Variants in ATP2B2 observed in about 807,000 individuals in gnomAD.
ATP2B2 encodes plasma membrane calcium-transporting ATPase 2.
Under a neutral mutation model 120.0 loss-of-function variants are expected in ATP2B2, and 15 were observed. The observed-to-expected ratio is 0.12, with a 90% CI of 0.08 to 0.19. The LOEUF (loss-of-function observed/expected upper bound fraction) is 0.19, where lower values mean the gene tolerates loss of function less well. Among genes scored for constraint, ATP2B2 ranks in the 10% least tolerant of loss-of-function variants. The pLI is 1.00. For synonymous variants in ATP2B2, 694 were observed against 700.3 expected, an observed-to-expected ratio of 0.99 and a Z score of 0.14; for missense variants, 1,045 against 1,719.8, an observed-to-expected ratio of 0.61 and a Z score of 6.94.
intron 1 of ATP2B2, among the ~76,000 whole-genome samples, chr3:10,670,700 T>C (rs114758956): frequency 0.07 from 10,585 of 152,202 alleles, 507 homozygotes; most frequent in South Asian, 0.14. Flanking sequence ...GGATTATAGG[T>C]GTGAGCCACG....
intron 2 of ATP2B2, among the ~76,000 whole-genome samples, chr3:10,415,846 G>A (rs890907179): frequency 1.3e-5 from 2 of 152,222 alleles, no homozygotes; most frequent in African/African-American, 4.8e-5. Context: ...ATGCTATGTG[G>A]GGTTGTAGGC....
At chr3:10,598,731 T>C (rs1231272230) in intron 2 of ATP2B2, among the ~76,000 whole-genome samples, 3 of 152,152 alleles carry the variant, frequency 2.0e-5, no homozygotes, top group African/African-American at 7.2e-5. Flanking sequence ...GAAACCTGAG[T>C]CTGCACGGAA....
At chr3:10,673,015 T>C (rs1575611074) in intron 1 of ATP2B2, among the ~76,000 whole-genome samples, 1 of 152,122 alleles carries the variant, frequency 6.6e-6, no homozygotes, top group African/African-American at 2.4e-5. Context: ...GTTGGCTGGG[T>C]GACCTGGGTG....
intron 1 of ATP2B2, among the ~76,000 whole-genome samples, chr3:10,679,432 C>T (rs1358127277): frequency 1.3e-5 from 2 of 152,208 alleles, no homozygotes; most frequent in African/African-American, 4.8e-5. Context: ...CTAGGGAGGT[C>T]TGTTCAGTAC....
chr3:10,374,685 G>A (rs571366666), intron 11 of ATP2B2, among the ~76,000 whole-genome samples: 12 of 152,338 alleles, frequency 7.9e-5, no homozygotes, highest in South Asian at 2.1e-4. Flanking sequence ...GGTCAGACTC[G>A]CAGTGACTGG....
chr3:10,435,920 G>A (rs2063466998), intron 2 of ATP2B2, among the ~76,000 whole-genome samples: 1 of 152,190 alleles, frequency 6.6e-6, no homozygotes, highest in Non-Finnish European at 1.5e-5. Context: ...AGAAGCAAAG[G>A]CCTGTGTTGA....
At chr3:10,501,298 C>G (rs763024963) in intron 1 of ATP2B2, among the ~76,000 whole-genome samples, 1 of 151,908 alleles carries the variant, frequency 6.6e-6, no homozygotes, top group Admixed American at 6.6e-5. Context: ...AAGTGAAGAC[C>G]GGGGTGAAGC....
intron 5 of ATP2B2, 54 bp from the exon 6 acceptor site, chr3:10,388,456 C>T (rs2061748247): frequency 6.2e-7 from 1 of 1,613,178 alleles, no homozygotes; most frequent in Non-Finnish European, 8.5e-7. Flanking sequence ...GCCGTCTCCC[C>T]AAAGGAGTGA....
chr3:10,596,670 G>T (rs976150988), intron 2 of ATP2B2, among the ~76,000 whole-genome samples: 1 of 152,172 alleles, frequency 6.6e-6, no homozygotes, highest in African/African-American at 2.4e-5. Flanking sequence ...GAATTCCTTG[G>T]CGTTTGCTCC....
In ATP2B2 at chr3:10,340,153, G is replaced by A. The variant is rs529813075; in HGVS notation, c.3237+89C>T. On this transcript the variant is annotated intron_variant, in intron 21 of 22. Transcript: ENST00000360273. This position sits in a 1 kb window ranked among gnomAD's most constrained non-coding sequence, Gnocchi z 5.0. Reference sequence around the variant, plus strand: ...GGAGGAGCTTGCCTGGGGTCTGGCAGCCCATTCCTGGGGGTCCTGGATTCT... The same window carrying A: ...GGAGGAGCTTGCCTGGGGTCTGGCAACCCATTCCTGGGGGTCCTGGATTCT... 5.2e-5 allele frequency: 67 copies of A among 1,299,508 alleles called. No homozygotes were observed. In the African/African-American group the frequency reaches 9.0e-4, roughly 17 times the overall value. The allele number at this position is 1,299,508 out of a possible 1,614,324, so 80.5% of individuals were successfully genotyped here. A position where few individuals can be genotyped will look rare whatever the true frequency, so the allele number is the denominator to read the frequency against.
chr3:10,619,011 G>A (rs1282926464), intron 2 of ATP2B2, among the ~76,000 whole-genome samples: 1 of 152,162 alleles, frequency 6.6e-6, no homozygotes, highest in Non-Finnish European at 1.5e-5. Context: ...AAACCTTGGA[G>A]CAGTGGCTAA....
intron 1 of ATP2B2, among the ~76,000 whole-genome samples, chr3:10,688,877 G>A (rs528758869): frequency 1.6e-4 from 24 of 152,184 alleles, no homozygotes; most frequent in African/African-American, 4.1e-4. Flanking sequence ...GGTGGCCTTC[G>A]GTTGAAAAAG....
chr3:10,637,853 C>G (rs1367354045), intron 1 of ATP2B2, among the ~76,000 whole-genome samples: 1 of 151,528 alleles, frequency 6.6e-6, no homozygotes, highest in African/African-American at 2.4e-5. Flanking sequence ...ACATCAAAAT[C>G]AAATTGTGGA....
chr3:10,614,343 C>T (rs935849549), intron 2 of ATP2B2, among the ~76,000 whole-genome samples: 5 of 151,860 alleles, frequency 3.3e-5, no homozygotes, highest in South Asian at 2.1e-4. Context: ...CCTCCTGGAA[C>T]GTTTTGCTTT....
At chr3:10,695,811 T>C (rs1166493273) in intron 1 of ATP2B2, among the ~76,000 whole-genome samples, 1 of 152,192 alleles carries the variant, frequency 6.6e-6, no homozygotes, top group Non-Finnish European at 1.5e-5. Flanking sequence ...TGGAGCAGTT[T>C]GTCACATAGC....
At chr3:10,397,440 C>G (rs2062075022) in intron 5 of ATP2B2, among the ~76,000 whole-genome samples, 1 of 152,158 alleles carries the variant, frequency 6.6e-6, no homozygotes, top group Non-Finnish European at 1.5e-5. Flanking sequence ...AACTCAAACA[C>G]CATGACGAGG....
intron 3 of ATP2B2, among the ~76,000 whole-genome samples, chr3:10,519,797 A>G (rs993505147): frequency 2.0e-5 from 3 of 152,350 alleles, no homozygotes; most frequent in Non-Finnish European, 2.9e-5. Context: ...TGTTCATTCA[A>G]CAAACATTGG....
At chr3:10,675,788 A>G (rs538881055) in intron 1 of ATP2B2, among the ~76,000 whole-genome samples, 99 of 152,270 alleles carry the variant, frequency 6.5e-4, no homozygotes, top group African/African-American at 2.3e-3. Flanking sequence ...AGCCACATGC[A>G]AGGCCACAGC....
intron 1 of ATP2B2, among the ~76,000 whole-genome samples, chr3:10,662,574 T>C (rs2070814628): frequency 6.7e-6 from 1 of 149,466 alleles, no homozygotes; most frequent in Non-Finnish European, 1.5e-5. Flanking sequence ...ATGGAAATCA[T>C]TAAAAAGTCA....
Sources: allele counts gnomAD v4.1 joint callset (sites outside exome capture counted in the v4.1 genomes callset), GRCh38; gene constraint gnomAD v4.1.1; non-coding constraint Gnocchi (gnomAD v3.1); transcripts MANE v1.5; gene names NCBI Gene and HGNC (gene_info 2026-07-23, HGNC 2026-07-21).